TSPAN9: variants seen among roughly 807,000 people sequenced by gnomAD.
TSPAN9 encodes tetraspanin-9.
In TSPAN9, 16 loss-of-function variants were observed where a neutral mutation model predicts 31.0. That is an observed-to-expected ratio of 0.52 (90% CI 0.35 to 0.78). TSPAN9 has a LOEUF of 0.78. TSPAN9 is among the 30% of genes least tolerant of loss of function. The pLI is 0.01. For synonymous variants in TSPAN9, 145 were observed against 121.6 expected (o/e 1.19, Z -1.27); for missense variants, 272 against 312.5 (o/e 0.87, Z 0.98).
At chr12:3,281,480 T>A in intron 7 of TSPAN9, 151 bp downstream of exon 7, 13 of 775,250 alleles carry the variant, frequency 1.7e-5, no homozygotes, top group Non-Finnish European at 2.4e-5. Context: ...AAAAGACAGG[T>A]GGAAAATGGG....
At chr12:3,118,406 C>T (rs530705084) in intron 2 of TSPAN9, among the ~76,000 whole-genome samples, 1 of 151,662 alleles carries the variant, frequency 6.6e-6, no homozygotes, top group South Asian at 2.1e-4. Context: ...GGATGACAGG[C>T]ACCCACCATC....
chr12:3,204,761 G>A (rs1406395484), intron 3 of TSPAN9, among the ~76,000 whole-genome samples: 3 of 152,208 alleles, frequency 2.0e-5, no homozygotes, highest in African/African-American at 7.2e-5. Context: ...TAGGAGATTT[G>A]AATTGGGACA....
Position 3,174,783 on chromosome 12 carries a change from C to T in TSPAN9, c.-17-26394C>T, listed in dbSNP as rs1056894361. ...ATTTTTAGTAGAGACGGGGTTTCAC[C>T]GTGTTAGCCAGGATGGTCTCGATCT... On this transcript the variant is annotated intron_variant, in intron 2 of 8. Coordinates refer to ENST00000011898, the MANE Select transcript of TSPAN9 (RefSeq NM_006675.5). Among the ~76,000 whole-genome samples, 388 of 148,836 alleles carry T rather than the reference C, an allele frequency of 2.6e-3. 4 individuals are homozygous for T. Among genetic ancestry groups the T allele is most frequent in the Admixed American group, 0.019 (273 of 14,700 alleles).
At chr12:3,185,379 G>T (rs1209448674) in intron 2 of TSPAN9, among the ~76,000 whole-genome samples, 1 of 152,164 alleles carries the variant, frequency 6.6e-6, no homozygotes, top group African/African-American at 2.4e-5. Context: ...TGGCAGGGTG[G>T]GGCTAGGAGT....
At chr12:3,105,682 C>CA (rs2153964745) in intron 2 of TSPAN9, among the ~76,000 whole-genome samples, 1 of 152,068 alleles carries the variant, frequency 6.6e-6, no homozygotes, top group South Asian at 2.1e-4. Flanking sequence ...GTAGCTGTCT[C>CA]AAGGAGTGTA....
intron 3 of TSPAN9, among the ~76,000 whole-genome samples, chr12:3,258,462 A>G (rs1392212523): frequency 1.3e-5 from 2 of 152,192 alleles, no homozygotes; most frequent in African/African-American, 4.8e-5. Flanking sequence ...GACCTCAGTG[A>G]ATGTCTCTGG....
rs534924580 is a variant in TSPAN9 at position 3,214,271 on chromosome 12, C to T, written c.63+13015C>T. On this transcript the variant is annotated intron_variant, in intron 3 of 8. Coordinates refer to ENST00000011898, the MANE Select transcript of TSPAN9 (RefSeq NM_006675.5). Reference sequence around the variant, plus strand: ...TTTATCTTCCTTATCCTCATAGTAGCGTCGGTAGAGTGATGGACCACGGAT... The same window carrying T: ...TTTATCTTCCTTATCCTCATAGTAGTGTCGGTAGAGTGATGGACCACGGAT... Among the ~76,000 whole-genome samples the T allele has an allele frequency of 6.6e-5, 10 of 152,298 alleles. No homozygotes were observed. The South Asian group carries it at 1.7e-3, about 25-fold the overall frequency.
At chr12:3,207,149 A>C (rs903750877) in intron 3 of TSPAN9, among the ~76,000 whole-genome samples, 7 of 151,686 alleles carry the variant, frequency 4.6e-5, no homozygotes, top group Non-Finnish European at 7.4e-5. Flanking sequence ...GTGCCTGGGG[A>C]TGCTGGCTTT....
Position 3,224,811 on chromosome 12 carries a change from C to G in TSPAN9, c.63+23555C>G, listed in dbSNP as rs76283140. ...TTTCCCGGTTCTGTCAGCTTCGCTTCAGCAGTGCTCTTCCTGTCTGGTAAA... is the reference window on the plus strand; with the variant it reads ...TTTCCCGGTTCTGTCAGCTTCGCTTGAGCAGTGCTCTTCCTGTCTGGTAAA... On this transcript the variant is annotated intron_variant, in intron 3 of 8. Coordinates refer to ENST00000011898, the MANE Select transcript of TSPAN9 (RefSeq NM_006675.5). 6.3e-3 allele frequency among the ~76,000 whole-genome samples: 956 copies of G among 152,356 alleles called. 5 individuals are homozygous for G. The highest frequency in any genetic ancestry group is 8.2e-3 in the Non-Finnish European group (556 of 68,028).
chr12:3,210,077 A>G (rs1337876773), intron 3 of TSPAN9, among the ~76,000 whole-genome samples: 2 of 148,848 alleles, frequency 1.3e-5, no homozygotes, highest in Non-Finnish European at 3.0e-5. Context: ...CCGAGCTTGC[A>G]GTAGCCGAGA....
intron 3 of TSPAN9, among the ~76,000 whole-genome samples, chr12:3,240,684 A>G (rs77903913): frequency 0.02 from 3,095 of 152,222 alleles, 96 homozygotes; most frequent in African/African-American, 0.071. Context: ...CTTCAAATCT[A>G]TGATCCTTAC....
intron 3 of TSPAN9, among the ~76,000 whole-genome samples, chr12:3,245,157 G>T (rs1275497882): frequency 2.0e-5 from 3 of 152,226 alleles, no homozygotes; most frequent in Non-Finnish European, 4.4e-5. Context: ...GCAGCGCCTG[G>T]TTCTGGAACT....
At chr12:3,140,146 G>C (rs1477418843) in intron 2 of TSPAN9, among the ~76,000 whole-genome samples, 1 of 6,940 alleles carries the variant, frequency 1.4e-4, no homozygotes, top group African/African-American at 1.6e-4. Context: ...TGTGGCCCGT[G>C]GACCTGGGCT....
At chr12:3,189,213 TG>T (rs955748937) in intron 2 of TSPAN9, among the ~76,000 whole-genome samples, 1 of 151,804 alleles carries the variant, frequency 6.6e-6, no homozygotes, top group African/African-American at 2.4e-5. Context: ...CTGAGCAGGA[TG>T]GGGGAGGCTT....
Position 3,085,466 on chromosome 12 carries a change from G to A in TSPAN9, c.-18+1747G>A, listed in dbSNP as rs181423644. 2.8e-3 allele frequency among the ~76,000 whole-genome samples: 425 copies of A among 152,100 alleles called. 4 individuals carry two copies. The highest frequency in any genetic ancestry group is 9.5e-3 in the African/African-American group (394 of 41,474). On this transcript the variant is annotated intron_variant, in intron 2 of 8. Coordinates refer to ENST00000011898, the MANE Select transcript of TSPAN9 (RefSeq NM_006675.5). ...AAACCCAAGTGAGGGAGATGTGAGT[G>A]GAGGCCTCAGCAGACAGGACGTTGA...
At chr12:3,227,816 C>G (rs567462958) in intron 3 of TSPAN9, among the ~76,000 whole-genome samples, 1 of 152,270 alleles carries the variant, frequency 6.6e-6, no homozygotes, top group South Asian at 2.1e-4. Flanking sequence ...TGGCAGGCCC[C>G]AGGGAGGGCT....
rs115227471 is a variant in TSPAN9, at chr12:3,222,285, C to T, written c.63+21029C>T. On this transcript the variant is annotated intron_variant, in intron 3 of 8. Coordinates refer to ENST00000011898, the MANE Select transcript of TSPAN9 (RefSeq NM_006675.5). Reference sequence around the variant, plus strand: ...TTTCCTATACACAGGGCCCTGGCTCCGTCACAGATGAGGCCTGGTTGGTCT... The same window carrying T: ...TTTCCTATACACAGGGCCCTGGCTCTGTCACAGATGAGGCCTGGTTGGTCT... Among the ~76,000 whole-genome samples, 995 of 152,318 alleles carry T rather than the reference C, an allele frequency of 6.5e-3. 7 individuals are homozygous for T. The highest frequency in any genetic ancestry group is 0.021 in the African/African-American group (883 of 41,566).
chr12:3,263,394 G>A (rs1165887495), intron 3 of TSPAN9, among the ~76,000 whole-genome samples: 1 of 152,232 alleles, frequency 6.6e-6, no homozygotes, highest in Non-Finnish European at 1.5e-5. Flanking sequence ...TTACCTGTCT[G>A]TCAGCTCATA....
At chr12:3,269,858 TGCCCAG>T (rs1442028642) in intron 3 of TSPAN9, among the ~76,000 whole-genome samples, 1 of 152,238 alleles carries the variant, frequency 6.6e-6, no homozygotes, top group Non-Finnish European at 1.5e-5. Flanking sequence ...CTGGCCCCAC[TGCCCAG>T]GCCCAGGATG....
Sources: allele counts gnomAD v4.1 joint callset (sites outside exome capture counted in the v4.1 genomes callset), GRCh38; gene constraint gnomAD v4.1.1; transcripts MANE v1.5; gene names NCBI Gene and HGNC (gene_info 2026-07-23, HGNC 2026-07-21).